KPNA4: variants seen among roughly 807,000 people sequenced by gnomAD.
KPNA4 encodes karyopherin subunit alpha 4, also known as importin subunit alpha-3.
KPNA4 carries 13 observed loss-of-function variants against 71.3 expected under a neutral mutation model. The ratio of observed to expected loss-of-function variants is 0.18; its 90% CI spans 0.12 to 0.29. The LOEUF (loss-of-function observed/expected upper bound fraction) is 0.29, where lower values mean the gene tolerates loss of function less well. KPNA4 is among the 10% of genes least tolerant of loss of function. The pLI, the probability that KPNA4 is intolerant of heterozygous loss-of-function variation, is 1.00. For missense variants in KPNA4, 334 were observed against 603.2 expected (o/e 0.55, Z 4.67); for synonymous variants, 189 against 195.2 (o/e 0.97, Z 0.26).
chr3:160,539,687 G>A (rs1721757952), intron 1 of KPNA4, among the ~76,000 whole-genome samples: 2 of 152,178 alleles, frequency 1.3e-5, no homozygotes, highest in South Asian at 4.1e-4. Flanking sequence ...TATGTCTCAG[G>A]CACAGAAAAC....
In KPNA4 at chr3:160,496,070, C is replaced by A. The variant is rs1315620838; in HGVS notation, c.*6034G>T. 1 of 152,026 alleles carries A rather than the reference C, an allele frequency of 6.6e-6. No individual in the cohort carries two copies. Among genetic ancestry groups the A allele is most frequent in the South Asian group, 2.1e-4 (1 of 4,822 alleles). 9.4% of individuals were successfully genotyped at this position (152,026 alleles called of 1,614,324 possible). On this transcript the variant is annotated 3_prime_UTR_variant, in exon 17 of 17. Coordinates refer to ENST00000334256, the MANE Select transcript of KPNA4 (RefSeq NM_002268.5). ...TGGGAGGCCAAGGAGGGTGGATCATCTGAGGTCAGGAGTTCGAGACCAGCC... is the reference window on the plus strand; with the variant it reads ...TGGGAGGCCAAGGAGGGTGGATCATATGAGGTCAGGAGTTCGAGACCAGCC...
At chr3:160,558,758 T>TAAA in intron 1 of KPNA4, among the ~76,000 whole-genome samples, 1 of 151,004 alleles carries the variant, frequency 6.6e-6, no homozygotes. Flanking sequence ...ATACTTTTTT[T>TAAA]AAAAAAAAAA....
chr3:160,557,014 C>T (rs1722150096), intron 1 of KPNA4, among the ~76,000 whole-genome samples: 1 of 152,172 alleles, frequency 6.6e-6, no homozygotes, highest in Non-Finnish European at 1.5e-5. Context: ...TGAGGTCTCA[C>T]TATACTGCCT....
chr3:160,564,829 A>G (rs1722306985), intron 1 of KPNA4, among the ~76,000 whole-genome samples: 1 of 151,290 alleles, frequency 6.6e-6, no homozygotes, highest in Non-Finnish European at 1.5e-5. Context: ...CCCGAGCGAG[A>G]GCCGGAATCT....
Position 160,541,005 on chromosome 3 carries a change from A to G in KPNA4, c.70-4165T>C, listed in dbSNP as rs188527423. Among the ~76,000 whole-genome samples the G allele has an allele frequency of 2.4e-4, 37 of 152,358 alleles. 1 individual carries two copies. In the East Asian group the frequency reaches 6.7e-3, roughly 28 times the overall value. On this transcript the variant is annotated intron_variant, in intron 1 of 16. Coordinates refer to ENST00000334256, the MANE Select transcript of KPNA4 (RefSeq NM_002268.5). ...AAACAGAATGCTAGCTCTATTTAAA[A>G]GGAATGCAGTTTGTGTATTTAATGA...
intron 12 of KPNA4, 137 bp from the exon 13 acceptor site, chr3:160,514,318 A>C: frequency 3.5e-6 from 2 of 575,102 alleles, no homozygotes; most frequent in Non-Finnish European, 5.8e-6. Flanking sequence ...CAGGAATCTC[A>C]ATTCCTTTAC....
intron 1 of KPNA4, among the ~76,000 whole-genome samples, chr3:160,562,861 T>C (rs1157401446): frequency 6.6e-6 from 1 of 152,206 alleles, no homozygotes; most frequent in East Asian, 1.9e-4. Flanking sequence ...ATCACAATAT[T>C]CTTCTAATAC....
At chr3:160,548,243 T>C (rs1158661945) in intron 1 of KPNA4, among the ~76,000 whole-genome samples, 2 of 152,188 alleles carry the variant, frequency 1.3e-5, no homozygotes, top group East Asian at 3.8e-4. Context: ...TGGTAATATA[T>C]ACATAACAAT....
intron 11 of KPNA4, among the ~76,000 whole-genome samples, chr3:160,518,774 C>G (rs1419383447): frequency 6.6e-6 from 1 of 151,828 alleles, no homozygotes; most frequent in East Asian, 2.0e-4. Context: ...GGCAGGAGAA[C>G]TGCTTGAACC....
rs556715229 is a variant in KPNA4 at position 160,525,926 on chromosome 3, A to G, written c.726+12T>C. ...ATGGTATCTCTTTTAATTTTTTTTT[A>G]AAAGTGTTTACCTCCTGAATGGTTT... On this transcript the variant is annotated intron_variant, in intron 9 of 16. Transcript: ENST00000334256. The G allele has an allele frequency of 6.5e-7, 1 of 1,540,348 alleles. No homozygotes were observed. Among genetic ancestry groups the G allele is most frequent in the Non-Finnish European group, 8.7e-7 (1 of 1,149,074 alleles).
intron 12 of KPNA4, chr3:160,515,134 T>C (rs770250241): frequency 5.7e-6 from 3 of 521,968 alleles, no homozygotes; most frequent in South Asian, 4.2e-5. Context: ...CTCTATTAAG[T>C]ACCTATAAAA....
chr3:160,548,118 T>C (rs1283363878), intron 1 of KPNA4, among the ~76,000 whole-genome samples: 1 of 152,182 alleles, frequency 6.6e-6, no homozygotes, highest in Admixed American at 6.5e-5. Context: ...TCAAAGTGAT[T>C]GTACCATTTT....
At position 160,498,445 on chromosome 3, in the gene KPNA4, T is replaced by C. The variant is rs1437144843; in HGVS notation, c.*3659A>G. On this transcript the variant is annotated 3_prime_UTR_variant, in exon 17 of 17. Transcript: ENST00000334256. ...CCTCCCTTGACTGTGAACAGGATCTTTGAATATGATGCGTATCACCCCTGT... is the reference window on the plus strand; with the variant it reads ...CCTCCCTTGACTGTGAACAGGATCTCTGAATATGATGCGTATCACCCCTGT... 1.3e-5 allele frequency: 2 copies of C among 152,210 alleles called. No homozygotes were observed. The highest frequency in any genetic ancestry group is 6.5e-5 in the Admixed American group (1 of 15,282). 9.4% of individuals were successfully genotyped at this position (152,210 alleles called of 1,614,324 possible).
chr3:160,557,213 G>C (rs185884157), intron 1 of KPNA4, among the ~76,000 whole-genome samples: 50 of 152,288 alleles, frequency 3.3e-4, no homozygotes, highest in Non-Finnish European at 7.4e-5. Context: ...TAAAAAGCCA[G>C]TGTGAAGAGG....
chr3:160,548,472 T>A (rs1157741994), intron 1 of KPNA4, among the ~76,000 whole-genome samples: 1 of 152,114 alleles, frequency 6.6e-6, no homozygotes, highest in Non-Finnish European at 1.5e-5. Context: ...CTTCCCTCTA[T>A]CCCCTGGCAA....
chr3:160,552,225 A>G (rs1266737973), intron 1 of KPNA4, among the ~76,000 whole-genome samples: 1 of 152,216 alleles, frequency 6.6e-6, no homozygotes, highest in African/African-American at 2.4e-5. Flanking sequence ...TTTTCCAAAA[A>G]GTGTTTTTAC....
At position 160,497,425 on chromosome 3, in the gene KPNA4, T is replaced by C. The variant is rs1477165211; in HGVS notation, c.*4679A>G. On this transcript the variant is annotated 3_prime_UTR_variant, in exon 17 of 17. Coordinates refer to ENST00000334256, the MANE Select transcript of KPNA4 (RefSeq NM_002268.5). ...AGACTGTGTCTCAAAAAAATAAAAA[T>C]AGAAGACTGCACTAATGCCACCAAC... 1 of 152,050 alleles carries C rather than the reference T, an allele frequency of 6.6e-6. No individual in the cohort carries two copies. The highest frequency in any genetic ancestry group is 2.1e-4 in the South Asian group (1 of 4,826). The allele number at this position is 152,050 out of a possible 1,614,324, so 9.4% of individuals were successfully genotyped here. A position where few individuals can be genotyped will look rare whatever the true frequency, so the allele number is the denominator to read the frequency against.
At chr3:160,516,637 T>C (rs1721230449) in intron 11 of KPNA4, among the ~76,000 whole-genome samples, 1 of 151,848 alleles carries the variant, frequency 6.6e-6, no homozygotes, top group Non-Finnish European at 1.5e-5. Context: ...CTGGGTGTGG[T>C]GGCACGAGCC....
Position 160,554,804 on chromosome 3 carries a change from G to C in KPNA4, c.69+10410C>G, listed in dbSNP as rs879627578. On this transcript the variant is annotated intron_variant, in intron 1 of 16. Coordinates refer to ENST00000334256, the MANE Select transcript of KPNA4 (RefSeq NM_002268.5). ...ATAGCAGAACACATGCTGGTGCCTA[G>C]ACAGCATGGAAACTCAGTGCCCCTT... is the stretch of plus-strand genomic sequence containing the variant. 3.3e-5 allele frequency among the ~76,000 whole-genome samples: 5 copies of C among 152,196 alleles called. No individual in the cohort carries two copies. The South Asian group carries it at 6.2e-4, about 19-fold the overall frequency.
Sources: gnomAD v4.1 joint callset for allele counts (sites outside exome capture counted in the v4.1 genomes callset) on GRCh38, gnomAD v4.1.1 for gene constraint, MANE v1.5 for transcripts, NCBI Gene and HGNC (gene_info 2026-07-23, HGNC 2026-07-21) for gene names.